PPP2R1B: variants seen among roughly 807,000 people sequenced by gnomAD.
The protein encoded by PPP2R1B is serine/threonine-protein phosphatase 2A 65 kDa regulatory subunit A beta isoform.
PPP2R1B carries 58 observed loss-of-function variants against 72.7 expected under a neutral mutation model. The observed-to-expected ratio is 0.80, with a 90% confidence interval of 0.65 to 0.99. The LOEUF (loss-of-function observed/expected upper bound fraction) is 0.99. Among genes scored for constraint, PPP2R1B ranks in the 50% least tolerant of loss-of-function variants. PPP2R1B has a pLI of 0.00. For synonymous variants in PPP2R1B, 256 were observed against 264.6 expected (o/e 0.97, Z 0.32); for missense variants, 695 against 733.6 (o/e 0.95, Z 0.61).
At chr11:111,688,201 G>A in the PPP2R1B span, 1 of 1,608,022 alleles carries the variant, frequency 6.2e-7, no homozygotes, top group East Asian at 2.2e-5. This position sits in a 1 kb window ranked among gnomAD's most constrained non-coding sequence, Gnocchi z 4.2. Context: ...GATCCGAAGT[G>A]AGCCACTGCA....
At chr11:111,756,172 T>G (rs1273425439) in intron 5 of PPP2R1B, among the ~76,000 whole-genome samples, 1 of 148,394 alleles carries the variant, frequency 6.7e-6, no homozygotes, top group Non-Finnish European at 1.5e-5. Flanking sequence ...ACTGCACCAC[T>G]GCACTCCAGT....
chr11:111,752,607 T>C (rs1422075411), intron 9 of PPP2R1B, among the ~76,000 whole-genome samples: 1 of 152,188 alleles, frequency 6.6e-6, no homozygotes, highest in African/African-American at 2.4e-5. Context: ...TGCACTCAAA[T>C]TTCAGATCTG....
intron 15 of PPP2R1B, chr11:111,727,922 TA>T (rs1355292096): frequency 2.6e-5 from 4 of 152,254 alleles, no homozygotes; most frequent in Non-Finnish European, 5.9e-5. Context: ...CCCAGGTTCG[TA>T]AATATGTTTG....
intron 3 of PPP2R1B, among the ~76,000 whole-genome samples, chr11:111,762,665 C>A (rs943388735): frequency 6.6e-6 from 1 of 151,676 alleles, no homozygotes; most frequent in Non-Finnish European, 1.5e-5. Flanking sequence ...TCTGCCTCAG[C>A]GTCCCGAATA....
downstream of PPP2R1B, chr11:111,724,308 C>T: frequency 2.2e-6 from 2 of 898,956 alleles, no homozygotes; most frequent in South Asian, 1.8e-5. Flanking sequence ...CTGGTTCTGC[C>T]CCACCACAAA....
intron 5 of PPP2R1B, among the ~76,000 whole-genome samples, chr11:111,756,778 G>T (rs10891291): frequency 6.6e-6 from 1 of 152,010 alleles, no homozygotes; most frequent in Non-Finnish European, 1.5e-5. Flanking sequence ...CAATGTCAAC[G>T]TGACACCTAC....
At chr11:111,728,775 T>C (rs867995492) in intron 15 of PPP2R1B, 1 of 152,042 alleles carries the variant, frequency 6.6e-6, no homozygotes, top group South Asian at 2.1e-4. Flanking sequence ...ATACAAAAAA[T>C]TAGCCGGGCG....
At chr11:111,728,257 T>G (rs1944041405) in intron 15 of PPP2R1B, 1 of 151,264 alleles carries the variant, frequency 6.6e-6, no homozygotes, top group African/African-American at 2.4e-5. Context: ...CAGGCAGGGA[T>G]CTTTGATCAT....
chr11:111,765,649 A>G, intron 1 of PPP2R1B: 1 of 521,738 alleles, frequency 1.9e-6, no homozygotes, highest in East Asian at 4.1e-5. Context: ...ACACCTAGGA[A>G]GTAAGATAAT....
downstream of PPP2R1B, among the ~76,000 whole-genome samples, chr11:111,734,753 A>G (rs939016594): frequency 2.6e-5 from 4 of 152,200 alleles, no homozygotes; most frequent in African/African-American, 9.7e-5. Context: ...GCTGGCCAAG[A>G]GGTTGGCCCT....
At position 111,753,473 on chromosome 11, in the gene PPP2R1B, TAGA is replaced by T. The variant is rs782241434; in HGVS notation, c.1131_1133del (p.Leu378del). 5 of 1,613,620 alleles carry T rather than the reference TAGA, an allele frequency of 3.1e-6. No individual in the cohort carries two copies. The Admixed American group carries it at 8.3e-5, about 27-fold the overall frequency. The stretch of plus-strand genomic sequence containing the variant: ...CCTTTAACTGAGCTAAGAAAAGAGG[TAGA>T]AGATGTTCAATGGTATTTTCTTTGC... On this transcript the variant is annotated inframe_deletion, in exon 9 of 15. Transcript: ENST00000527614.
In PPP2R1B at chr11:111,764,914, G is replaced by T; in HGVS notation, c.206-9C>A. ...TTCATCATAAATTGTATCTGGAAGT[G>T]ACAACAACAGGACTCATCAACATGG... On this transcript the variant is annotated splice_polypyrimidine_tract_variant and intron_variant, in intron 2 of 14. Coordinates refer to ENST00000527614, the MANE Select transcript of PPP2R1B (RefSeq NM_002716.5). 1 of 1,613,090 alleles carries T rather than the reference G, an allele frequency of 6.2e-7. No homozygotes were observed. The highest frequency in any genetic ancestry group is 1.1e-5 in the South Asian group (1 of 90,972).
chr11:111,692,387 A>AAAAAAAAAAAAAC, the PPP2R1B span, among the ~76,000 whole-genome samples: 1 of 113,402 alleles, frequency 8.8e-6, no homozygotes, highest in Admixed American at 9.8e-5. Flanking sequence ...AAAAAAAAAA[A>AAAAAAAAAAAAAC]ACACAAAAAG....
the PPP2R1B span, chr11:111,712,398 CAGAACTGGCAGTTTGGCGAG>C: frequency 6.2e-7 from 1 of 1,600,566 alleles, no homozygotes; most frequent in Non-Finnish European, 8.5e-7. Context: ...TTGAGAGTCT[CAGAACTGGCAGTTTGGCGAG>C]AGATTTCAGT....
chr11:111,721,341 C>T, the PPP2R1B span, among the ~76,000 whole-genome samples: 9 of 152,228 alleles, frequency 5.9e-5, no homozygotes, highest in South Asian at 2.1e-4. Flanking sequence ...CTCTTACAGT[C>T]GCCCTTGAAC....
the PPP2R1B span, among the ~76,000 whole-genome samples, chr11:111,689,955 G>T: frequency 6.7e-6 from 1 of 148,792 alleles, no homozygotes; most frequent in African/African-American, 2.5e-5. Flanking sequence ...AAGTTAATTT[G>T]TTATATTCAT....
At chr11:111,717,062 C>G in the PPP2R1B span, among the ~76,000 whole-genome samples, 1 of 152,060 alleles carries the variant, frequency 6.6e-6, no homozygotes, top group Non-Finnish European at 1.5e-5. Context: ...CGCCCGTAAT[C>G]CCAGCACTTT....
downstream of PPP2R1B, chr11:111,722,586 G>A: frequency 7.6e-7 from 1 of 1,323,432 alleles, no homozygotes; most frequent in Middle Eastern, 2.1e-4. The surrounding 1 kb of genome is among the most constrained non-coding windows in gnomAD (Gnocchi z 4.4). Context: ...GATTCATCCT[G>A]CAGGCAGAAG....
chr11:111,710,830 A>G, the PPP2R1B span, among the ~76,000 whole-genome samples: 1 of 152,206 alleles, frequency 6.6e-6, no homozygotes, highest in Non-Finnish European at 1.5e-5. Flanking sequence ...GTAGAGGAGA[A>G]GCTAGAATCT....
Sources: gnomAD v4.1 joint callset for allele counts (sites outside exome capture counted in the v4.1 genomes callset) on GRCh38, gnomAD v4.1.1 for gene constraint, Gnocchi (gnomAD v3.1) non-coding constraint, MANE v1.5 for transcripts, NCBI Gene and HGNC (gene_info 2026-07-23, HGNC 2026-07-21) for gene names.